Variants in LMO7 observed in about 807,000 individuals in gnomAD.
LMO7 encodes LIM domain 7.
In LMO7, 120 loss-of-function variants were observed where a neutral mutation model predicts 206.5. The ratio of observed to expected loss-of-function variants is 0.58; its 90% CI spans 0.50 to 0.68. The LOEUF (loss-of-function observed/expected upper bound fraction) is 0.68. Among genes scored for constraint, LMO7 ranks in the 30% least tolerant of loss-of-function variants. LMO7 has a pLI of 0.00. For synonymous variants in LMO7, 706 were observed against 681.5 expected (o/e 1.04, Z -0.56); for missense variants, 1,959 against 1,957.9 (o/e 1.00, Z -0.01).
At position 75,807,718 on chromosome 13, in the gene LMO7, C is replaced by T. The variant is rs1374855264; in HGVS notation, c.1435C>T (p.Arg479Ter). ...GAFHANPYVL[R>*]AFEDFRKFSE... ...TTTCCATGCAAATCCATATGTTCTC[C>T]GAGCTTTTGAAGACTTTAGAAAGTT... The change falls in exon 10 of 31, where the codon CGA becomes TGA. Residue 479 changes from arginine (R) to a stop codon, truncating the protein, a stop_gained. Coordinates refer to ENST00000377534, the MANE Select transcript of LMO7 (RefSeq NM_001306080.2). LOFTEE classifies it high-confidence loss of function. The T allele has an allele frequency of 6.8e-6, 11 of 1,613,812 alleles. No individual in the cohort carries two copies. The highest frequency in any genetic ancestry group is 2.2e-5 in the East Asian group (1 of 44,894).
chr13:75,679,334 G>GC (rs1372960872), intron 1 of LMO7, among the ~76,000 whole-genome samples: 4 of 152,208 alleles, frequency 2.6e-5, no homozygotes, highest in African/African-American at 9.6e-5. Context: ...TCATCCAGAG[G>GC]CAATAGGCTG....
chr13:75,729,901 T>G (rs1486035288), intron 3 of LMO7, among the ~76,000 whole-genome samples: 1 of 151,596 alleles, frequency 6.6e-6, no homozygotes, highest in East Asian at 1.9e-4. Flanking sequence ...GGTTTTTGTC[T>G]TTGGTTCTGT....
chr13:75,808,076 T>G lies in LMO7; in HGVS notation c.1793T>G (p.Leu598Arg). The change falls in exon 10 of 31, where the codon CTG (leucine) becomes CGG (arginine). Residue 598 changes from leucine (L) to arginine (R), a missense_variant. Transcript: ENST00000377534. ...MLTRKIQSWK[L>R]GTTVPPISFT... The stretch of plus-strand genomic sequence containing the variant: ...ACACGTAAGATTCAGTCCTGGAAAC[T>G]GGGAACTACCGTGCCTCCCATCAGT... The G allele has an allele frequency of 6.2e-7, 1 of 1,613,966 alleles. No individual in the cohort carries two copies. The highest frequency in any genetic ancestry group is 2.2e-5 in the East Asian group (1 of 44,864).
intron 3 of LMO7, among the ~76,000 whole-genome samples, chr13:75,728,425 T>A (rs1055270855): frequency 6.6e-6 from 1 of 152,120 alleles, no homozygotes; most frequent in African/African-American, 2.4e-5. Flanking sequence ...ATGTCTTCTT[T>A]TGAGAAGTGT....
At chr13:75,633,150 A>G (rs9544012), upstream of LMO7, among the ~76,000 whole-genome samples, 2,630 of 152,176 alleles carry the variant, frequency 0.017, 38 homozygotes, top group Middle Eastern at 0.061. Context: ...GGTGTGAGCC[A>G]CTGTGCCTCG....
At chr13:75,651,752 C>G (rs2037591858) in intron 1 of LMO7, among the ~76,000 whole-genome samples, 1 of 152,168 alleles carries the variant, frequency 6.6e-6, no homozygotes, top group South Asian at 2.1e-4. Flanking sequence ...GTGGCCAGTG[C>G]CTCCACATTT....
chr13:75,777,992 AC>A (rs926881490), intron 4 of LMO7, among the ~76,000 whole-genome samples: 6 of 152,086 alleles, frequency 3.9e-5, no homozygotes, highest in Admixed American at 3.9e-4. Context: ...ATTAGGCAAT[AC>A]AAAAATATCT....
At chr13:75,684,917 A>G (rs375314172) in intron 1 of LMO7, among the ~76,000 whole-genome samples, 4 of 152,156 alleles carry the variant, frequency 2.6e-5, no homozygotes, top group African/African-American at 7.2e-5. Flanking sequence ...TTTCTCACTT[A>G]TAGTGATTTA....
chr13:75,855,359 T>C lies in LMO7; in HGVS notation c.4761T>C (p.His1587=). 1.2e-6 allele frequency: 2 copies of C among 1,610,268 alleles called. No homozygotes were observed. Among genetic ancestry groups the C allele is most frequent in the Non-Finnish European group, 1.7e-6 (2 of 1,176,646 alleles). Residue 1587 remains histidine, a synonymous_variant, in exon 29 of 31, where the codon CAT becomes CAC. Transcript: ENST00000377534. ...IESLGLCYHL[H]CFKCVACECD... ...CCCTGGGTCTTTGTTATCATTTGCA[T>C]TGTTTTAAGGTGAGACTGAGACAAA...
At position 75,749,627 on chromosome 13, in the gene LMO7, G is replaced by A. The variant is rs527955408; in HGVS notation, c.211-11305G>A. Among the ~76,000 whole-genome samples, 5 of 152,246 alleles carry A rather than the reference G, an allele frequency of 3.3e-5. No homozygotes were observed. In the East Asian group the frequency reaches 5.8e-4, roughly 18 times the overall value. ...TAACTTGCCAGCTCAGCTCTGCCTC[G>A]TTGGTTTGGCTGTTGCTCCAGCTCT... On this transcript the variant is annotated intron_variant, in intron 3 of 30. Transcript: ENST00000377534.
At chr13:75,773,909 A>C (rs2050053423) in intron 4 of LMO7, among the ~76,000 whole-genome samples, 1 of 152,056 alleles carries the variant, frequency 6.6e-6, no homozygotes, top group African/African-American at 2.4e-5. Context: ...TTTAAAAATG[A>C]GCACTTCCTG....
At chr13:75,760,826 C>G (rs1285855845) in intron 3 of LMO7, 106 bp from the exon 4 acceptor site, 1 of 1,557,706 alleles carries the variant, frequency 6.4e-7, no homozygotes, top group Non-Finnish European at 8.7e-7. Context: ...GCCTCTTTTG[C>G]TGACTGTAAT....
chr13:75,706,012 G>A (rs1329346770), intron 1 of LMO7, among the ~76,000 whole-genome samples: 1 of 152,124 alleles, frequency 6.6e-6, no homozygotes, highest in Non-Finnish European at 1.5e-5. Context: ...ATAACAGCTA[G>A]CATTTGTGAG....
intron 27 of LMO7, among the ~76,000 whole-genome samples, chr13:75,851,133 C>T (rs963732236): frequency 6.6e-6 from 1 of 152,148 alleles, no homozygotes; most frequent in Non-Finnish European, 1.5e-5. Context: ...GTGACTCACC[C>T]CAGAGTCAGT....
intron 3 of LMO7, among the ~76,000 whole-genome samples, chr13:75,758,774 A>T (rs771310089): frequency 2.0e-5 from 3 of 152,162 alleles, no homozygotes; most frequent in Non-Finnish European, 4.4e-5. Flanking sequence ...TTTGGCTCTC[A>T]TTTGAGTAAG....
At chr13:75,854,223 A>T (rs1382696284) in intron 28 of LMO7, among the ~76,000 whole-genome samples, 1 of 152,234 alleles carries the variant, frequency 6.6e-6, no homozygotes, top group Non-Finnish European at 1.5e-5. Context: ...ACTTCAAAGT[A>T]GAAACACATT....
chr13:75,673,777 T>A (rs1015495380), intron 1 of LMO7, among the ~76,000 whole-genome samples: 4 of 152,218 alleles, frequency 2.6e-5, no homozygotes, highest in Non-Finnish European at 5.9e-5. Context: ...GAAATAATGC[T>A]TATTGAGAAA....
intron 2 of LMO7, among the ~76,000 whole-genome samples, chr13:75,720,968 C>G (rs528319257): frequency 9.9e-5 from 15 of 152,156 alleles, no homozygotes; most frequent in Admixed American, 3.3e-4. Context: ...TACTCATGGA[C>G]ATGTGATTAC....
upstream of LMO7, among the ~76,000 whole-genome samples, chr13:75,633,728 C>G (rs141360857): frequency 2.6e-5 from 4 of 151,304 alleles, no homozygotes; most frequent in East Asian, 7.8e-4. Flanking sequence ...CTGTAAAAGA[C>G]ATTTTTGGGT....
Sources: allele counts gnomAD v4.1 joint callset (sites outside exome capture counted in the v4.1 genomes callset), GRCh38; gene constraint gnomAD v4.1.1; transcripts MANE v1.5; gene names NCBI Gene and HGNC (gene_info 2026-07-23, HGNC 2026-07-21).